NAV3: variants seen among roughly 807,000 people sequenced by gnomAD.
The protein encoded by NAV3 is pore membrane and/or filament interacting like protein 1.
A neutral mutation model predicts 244.7 loss-of-function variants in NAV3; 87 were observed. The ratio of observed to expected loss-of-function variants is 0.36; its 90% CI spans 0.30 to 0.42. The LOEUF (loss-of-function observed/expected upper bound fraction) is 0.42, where lower values mean the gene tolerates loss of function less well. Among genes scored for constraint, NAV3 ranks in the 20% least tolerant of loss-of-function variants. The pLI is 1.00. For missense variants in NAV3, 2,663 were observed against 2,893.3 expected (o/e 0.92, Z 1.83); for synonymous variants, 1,126 against 1,042.2 (o/e 1.08, Z -1.55).
At chr12:78,178,427 C>T (rs1466003119) in intron 28 of NAV3, among the ~76,000 whole-genome samples, 1 of 152,016 alleles carries the variant, frequency 6.6e-6, no homozygotes, top group Non-Finnish European at 1.5e-5. Flanking sequence ...TCCCAAAGTA[C>T]TGGGATTACA....
intron 5 of NAV3, among the ~76,000 whole-genome samples, chr12:77,972,565 T>C (rs1893087238): frequency 6.6e-6 from 1 of 152,114 alleles, no homozygotes; most frequent in Admixed American, 6.5e-5. Flanking sequence ...GTTCATTCAG[T>C]ATTTCTTAAT....
rs139201184 is a variant in NAV3 at position 78,211,741 on chromosome 12, G to GTT, written c.*1230_*1231dup. 0.1 allele frequency: 15,208 copies of GTT among 152,114 alleles called. 989 individuals carry two copies. Among genetic ancestry groups the GTT allele is most frequent in the Non-Finnish European group, 0.15 (10,339 of 67,868 alleles). The allele number at this position is 152,114 out of a possible 1,614,324, so 9.4% of individuals were successfully genotyped here. A position where few individuals can be genotyped will look rare whatever the true frequency, so the allele number is the denominator to read the frequency against. On this transcript the variant is annotated 3_prime_UTR_variant, in exon 40 of 40. Transcript: ENST00000397909. ...TCGGCTTTCCTTCCCTATTGTTTTT[G>GTT]TTTTTTTAATGAGTTTTGACGCATG...
At chr12:77,690,369 C>T (rs1874948464) in intron 2 of NAV3, among the ~76,000 whole-genome samples, 1 of 151,760 alleles carries the variant, frequency 6.6e-6, no homozygotes, top group South Asian at 2.1e-4. Context: ...TAAAAGGCTA[C>T]TAACATTTTC....
intron 2 of NAV3, among the ~76,000 whole-genome samples, chr12:77,709,471 G>A (rs1015599640): frequency 3.9e-5 from 6 of 152,086 alleles, no homozygotes; most frequent in Non-Finnish European, 5.9e-5. Context: ...CAGACTTGTA[G>A]TAGAGTAAAA....
chr12:77,720,155 TTC>T (rs71088328), intron 2 of NAV3, among the ~76,000 whole-genome samples: 134,528 of 151,222 alleles, frequency 0.89, 60,589 homozygotes, highest in East Asian at 1. Context: ...TTACTTGAGT[TTC>T]TCTCTCTCTC....
In NAV3 at chr12:77,692,918, A is replaced by G. The variant is rs146452639; in HGVS notation, c.72+120652A>G. ...TAACATCAGGGAGACCTGACCCAATATGGGAGATCAGTGAAAGCTTCCCTA... is the reference window on the plus strand; with the variant it reads ...TAACATCAGGGAGACCTGACCCAATGTGGGAGATCAGTGAAAGCTTCCCTA... On this transcript the variant is annotated intron_variant, in intron 2 of 8. Coordinates refer to the NAV3 transcript ENST00000550042. Among the ~76,000 whole-genome samples the G allele has an allele frequency of 6.6e-5, 10 of 152,308 alleles. No homozygotes were observed. The East Asian group carries it at 1.9e-3, about 29-fold the overall frequency.
intron 6 of NAV3, among the ~76,000 whole-genome samples, chr12:77,997,737 T>C (rs1427363422): frequency 1.3e-5 from 2 of 152,108 alleles, no homozygotes; most frequent in Non-Finnish European, 2.9e-5. Context: ...ATGAAAAAGG[T>C]TTTTTGTGGG....
intron 2 of NAV3, among the ~76,000 whole-genome samples, chr12:77,702,951 T>C (rs1366054885): frequency 1.3e-5 from 2 of 152,032 alleles, no homozygotes; most frequent in Non-Finnish European, 2.9e-5. Context: ...ATTCTTGTAC[T>C]GTGATGGTCT....
chr12:77,764,392 C>G (rs571589919), intron 2 of NAV3, among the ~76,000 whole-genome samples: 7 of 152,080 alleles, frequency 4.6e-5, no homozygotes, highest in South Asian at 2.1e-4. Flanking sequence ...TTTACAGAAC[C>G]CTGGCCATCT....
intron 12 of NAV3, among the ~76,000 whole-genome samples, chr12:78,106,935 C>T (rs1017890268): frequency 2.0e-5 from 3 of 152,158 alleles, no homozygotes; most frequent in African/African-American, 7.2e-5. Flanking sequence ...AAGGAAATCA[C>T]AAATGTCACT....
chr12:78,124,450 T>C (rs1024656592), intron 16 of NAV3, among the ~76,000 whole-genome samples: 2 of 151,954 alleles, frequency 1.3e-5, no homozygotes, highest in Non-Finnish European at 2.9e-5. Flanking sequence ...TGTTATGTTA[T>C]GTTATGTTAT....
chr12:77,826,441 G>A (rs771823388), upstream of NAV3, among the ~76,000 whole-genome samples: 2 of 151,502 alleles, frequency 1.3e-5, no homozygotes, highest in African/African-American at 4.9e-5. Context: ...GTAGTGAGCC[G>A]AGATCACACC....
At chr12:77,674,430 T>C (rs574098149) in intron 2 of NAV3, among the ~76,000 whole-genome samples, 1 of 152,258 alleles carries the variant, frequency 6.6e-6, no homozygotes, top group Admixed American at 6.5e-5. Context: ...CTGTTGCCCT[T>C]GAAGTGCATT....
chr12:78,200,625 T>TAAAA lies in NAV3; in HGVS notation c.6834+42_6834+45dup, dbSNP rs148251715. On this transcript the variant is annotated intron_variant, in intron 38 of 39. Transcript: ENST00000397909. ...CTCAATTTTCATTGCTATTTTTTTT[T>TAAAA]AAAAAAAAAAAGCAAAAAAAATTAC... is the stretch of plus-strand genomic sequence containing the variant. 926 of 1,036,834 alleles carry TAAAA rather than the reference T, an allele frequency of 8.9e-4. 2 individuals carry two copies. The highest frequency in any genetic ancestry group is 1.4e-3 in the South Asian group (69 of 47,942). 64.2% of individuals were successfully genotyped at this position (1,036,834 alleles called of 1,614,324 possible).
At chr12:78,088,507 T>C (rs1353485402) in intron 12 of NAV3, among the ~76,000 whole-genome samples, 1 of 152,102 alleles carries the variant, frequency 6.6e-6, no homozygotes, top group African/African-American at 2.4e-5. Flanking sequence ...ACATGCGCTA[T>C]TGTAAAAAAT....
At position 77,717,336 on chromosome 12, in the gene NAV3, C is replaced by A. The variant is rs542246129; in HGVS notation, c.72+145070C>A. On this transcript the variant is annotated intron_variant, in intron 2 of 8. Transcript: ENST00000550042. ...CTACTTTCTCCTTCTATGAGTTTGA[C>A]TACATTAAATACCTTATATAAGTGG... Among the ~76,000 whole-genome samples the A allele has an allele frequency of 2.0e-5, 3 of 152,128 alleles. No individual in the cohort carries two copies. The South Asian group carries it at 6.2e-4, about 32-fold the overall frequency.
At chr12:77,949,134 C>T (rs1480499758) in intron 3 of NAV3, among the ~76,000 whole-genome samples, 6 of 151,952 alleles carry the variant, frequency 3.9e-5, no homozygotes, top group Non-Finnish European at 1.5e-5. Context: ...CTTCTATTAG[C>T]CATGTTTCAA....
chr12:78,102,789 C>T (rs568270799), intron 12 of NAV3, among the ~76,000 whole-genome samples: 1 of 152,332 alleles, frequency 6.6e-6, no homozygotes, highest in East Asian at 1.9e-4. Flanking sequence ...GGGGCTTGCA[C>T]CCTCTGAAAC....
At chr12:78,110,409 C>G (rs971439716) in intron 12 of NAV3, among the ~76,000 whole-genome samples, 2 of 151,978 alleles carry the variant, frequency 1.3e-5, no homozygotes, top group African/African-American at 4.8e-5. Flanking sequence ...TTACCAATGT[C>G]ATATTTCATA....
Sources: gnomAD v4.1 joint callset for allele counts (sites outside exome capture counted in the v4.1 genomes callset) on GRCh38, gnomAD v4.1.1 for gene constraint, MANE v1.5 for transcripts, NCBI Gene and HGNC (gene_info 2026-07-23, HGNC 2026-07-21) for gene names.